The following PPP3R1 variants were observed in gnomAD, a reference collection of about 807,000 sequenced individuals.
PPP3R1 encodes the protein calcineurin subunit B type 1.
Under a neutral mutation model 22.6 loss-of-function variants are expected in PPP3R1, and 5 were observed. The ratio of observed to expected loss-of-function variants is 0.22; its 90% CI spans 0.12 to 0.46. The LOEUF (loss-of-function observed/expected upper bound fraction) is 0.46, where lower values mean the gene tolerates loss of function less well. Ranked by LOEUF, PPP3R1 falls within the 20% of genes least tolerant of loss-of-function variation. The probability of loss-of-function intolerance (pLI) is 0.99; values close to 1 mark genes in which losing one functional copy is unlikely to be tolerated. For synonymous variants in PPP3R1, 56 were observed against 65.2 expected (o/e 0.86, Z 0.68); for missense variants, 61 against 203.2 (o/e 0.30, Z 4.25).
intron 2 of PPP3R1, among the ~76,000 whole-genome samples, chr2:68,198,315 A>G (rs551686777): frequency 6.2e-5 from 9 of 144,224 alleles, no homozygotes; most frequent in African/African-American, 1.6e-4. Flanking sequence ...GTATACATAT[A>G]TGTATATACA....
chr2:68,211,278 G>A (rs1372608905), intron 2 of PPP3R1, among the ~76,000 whole-genome samples: 1 of 151,816 alleles, frequency 6.6e-6, no homozygotes, highest in African/African-American at 2.4e-5. Flanking sequence ...GTGGTGGCGG[G>A]CGCCTGTAGT....
At chr2:68,244,250 A>G (rs1400004323) in intron 1 of PPP3R1, among the ~76,000 whole-genome samples, 1 of 152,176 alleles carries the variant, frequency 6.6e-6, no homozygotes, top group Non-Finnish European at 1.5e-5. Context: ...CCTGTTTTCT[A>G]GATTTATTTC....
chr2:68,241,366 T>C lies in PPP3R1; in HGVS notation c.3+10759A>G, dbSNP rs150312050. ...TCCATGGACCCAGAACTCATGGGCA[T>C]GGAAGGCCAACTGTATATGTCACAA... On this transcript the variant is annotated intron_variant, in intron 1 of 5. Coordinates refer to ENST00000234310, the MANE Select transcript of PPP3R1 (RefSeq NM_000945.4). 1.6e-3 allele frequency among the ~76,000 whole-genome samples: 245 copies of C among 152,342 alleles called. 1 individual carries two copies. The highest frequency in any genetic ancestry group is 5.7e-3 in the African/African-American group (238 of 41,588).
intron 1 of PPP3R1, among the ~76,000 whole-genome samples, chr2:68,221,137 G>A (rs1330730144): frequency 2.6e-5 from 4 of 152,114 alleles, no homozygotes; most frequent in Admixed American, 2.0e-4. Flanking sequence ...TTCAAGACCA[G>A]CCTGGTCAAC....
At chr2:68,242,280 A>AG (rs1670151397) in intron 1 of PPP3R1, among the ~76,000 whole-genome samples, 1 of 152,158 alleles carries the variant, frequency 6.6e-6, no homozygotes, top group Non-Finnish European at 1.5e-5. Context: ...TACAAAAATT[A>AG]GCTGGGTGTG....
chr2:68,234,275 G>A (rs947981817), intron 1 of PPP3R1, among the ~76,000 whole-genome samples: 72 of 152,058 alleles, frequency 4.7e-4, no homozygotes, highest in African/African-American at 1.5e-3. Context: ...CCTGGGAGGC[G>A]GAACTTGCAG....
At chr2:68,236,160 A>T (rs1255428036) in intron 1 of PPP3R1, among the ~76,000 whole-genome samples, 1 of 152,062 alleles carries the variant, frequency 6.6e-6, no homozygotes, top group Non-Finnish European at 1.5e-5. Flanking sequence ...TGAAGCTTAG[A>T]TTTGTTAATT....
rs1444144548 is a variant in PPP3R1 at position 68,180,960 on chromosome 2, G to A, written c.*3C>T. On this transcript the variant is annotated 3_prime_UTR_variant, in exon 6 of 6. Transcript: ENST00000234310. ...AGTGTTGGGTGGTACTCTCTGATAA[G>A]AGTCACACATCTACCACCATCTTTT... The A allele has an allele frequency of 5.0e-6, 8 of 1,612,118 alleles. No homozygotes were observed. In the East Asian group the frequency reaches 1.3e-4, roughly 27 times the overall value.
intron 1 of PPP3R1, among the ~76,000 whole-genome samples, chr2:68,251,737 G>A (rs1161940457): frequency 6.6e-6 from 1 of 152,048 alleles, no homozygotes; most frequent in Non-Finnish European, 1.5e-5. Context: ...AAAACAGAGT[G>A]AGTGTGGAGG....
At chr2:68,220,492 C>T (rs1669667971) in intron 1 of PPP3R1, among the ~76,000 whole-genome samples, 1 of 152,126 alleles carries the variant, frequency 6.6e-6, no homozygotes, top group Non-Finnish European at 1.5e-5. Context: ...TGGGTCCAGT[C>T]CTCAGAACGA....
chr2:68,191,139 A>G (rs141177744), intron 2 of PPP3R1, among the ~76,000 whole-genome samples: 118 of 152,344 alleles, frequency 7.7e-4, no homozygotes, highest in African/African-American at 2.8e-3. Flanking sequence ...ATACACATAC[A>G]GTCAGTCATG....
chr2:68,203,067 C>A (rs1211227101), intron 2 of PPP3R1, among the ~76,000 whole-genome samples: 1 of 152,138 alleles, frequency 6.6e-6, no homozygotes, highest in Non-Finnish European at 1.5e-5. Context: ...ATCCTTTGTT[C>A]TTCTCGTCAT....
chr2:68,227,508 A>G (rs1245565863), intron 1 of PPP3R1, among the ~76,000 whole-genome samples: 1 of 152,064 alleles, frequency 6.6e-6, no homozygotes, highest in Non-Finnish European at 1.5e-5. Flanking sequence ...GAAAAGATCA[A>G]AAGACAGAAA....
intron 2 of PPP3R1, among the ~76,000 whole-genome samples, chr2:68,200,884 T>C (rs4671880): frequency 0.21 from 32,412 of 152,148 alleles, 3,698 homozygotes; most frequent in Non-Finnish European, 0.25. Flanking sequence ...GTATTATTGT[T>C]TTTCTCCTTT....
intron 5 of PPP3R1, among the ~76,000 whole-genome samples, chr2:68,183,518 C>G (rs1202989142): frequency 1.3e-5 from 2 of 152,162 alleles, no homozygotes; most frequent in Admixed American, 1.3e-4. Flanking sequence ...TTTCTTGATT[C>G]ATTTTTGATT....
intron 1 of PPP3R1, among the ~76,000 whole-genome samples, chr2:68,248,680 C>G (rs928348370): frequency 6.6e-6 from 1 of 152,160 alleles, no homozygotes; most frequent in Non-Finnish European, 1.5e-5. Flanking sequence ...GTCTCTTCCT[C>G]CCTTTAGGAT....
chr2:68,209,314 C>G lies in PPP3R1; in HGVS notation c.43+7778G>C, dbSNP rs534314665. On this transcript the variant is annotated intron_variant, in intron 2 of 5. Coordinates refer to ENST00000234310, the MANE Select transcript of PPP3R1 (RefSeq NM_000945.4). The stretch of plus-strand genomic sequence containing the variant: ...GCGGAGCTTGCAGTGAGCCGAGATC[C>G]CGCCACTGCACTCCAGCCTGGGCGA... Among the ~76,000 whole-genome samples the G allele has an allele frequency of 2.9e-4, 34 of 117,294 alleles. No individual in the cohort carries two copies. In the East Asian group the frequency reaches 6.0e-3, roughly 21 times the overall value. 76.9% of individuals were successfully genotyped at this position (117,294 alleles called of 152,430 possible).
intron 5 of PPP3R1, among the ~76,000 whole-genome samples, chr2:68,182,768 C>G (rs1159527775): frequency 6.7e-6 from 1 of 150,018 alleles, no homozygotes; most frequent in Non-Finnish European, 1.5e-5. Context: ...ATTGTTATAA[C>G]TATACAATAC....
At chr2:68,200,479 G>C (rs1025224874) in intron 2 of PPP3R1, among the ~76,000 whole-genome samples, 1 of 152,164 alleles carries the variant, frequency 6.6e-6, no homozygotes, top group East Asian at 1.9e-4. Context: ...TGCTCAGTGA[G>C]CTTCACGAGA....
Sources: allele counts gnomAD v4.1 joint callset (sites outside exome capture counted in the v4.1 genomes callset), GRCh38; gene constraint gnomAD v4.1.1; transcripts MANE v1.5; gene names NCBI Gene and HGNC (gene_info 2026-07-23, HGNC 2026-07-21).